The following PTK2 variants were observed in gnomAD, a reference collection of about 807,000 sequenced individuals.
PTK2 encodes focal adhesion kinase 1.
In PTK2, 45 loss-of-function variants were observed where a neutral mutation model predicts 150.1. The ratio of observed to expected loss-of-function variants is 0.30; its 90% CI spans 0.24 to 0.38. The LOEUF is 0.38. Among genes scored for constraint, PTK2 ranks in the 10% least tolerant of loss-of-function variants. PTK2 has a pLI of 1.00. For synonymous variants in PTK2, 432 were observed against 449.2 expected, an observed-to-expected ratio of 0.96 and a Z score of 0.48; for missense variants, 919 against 1,307.3, an observed-to-expected ratio of 0.70 and a Z score of 4.58.
chr8:140,757,970 T>G (rs1034107835), intron 16 of PTK2, among the ~76,000 whole-genome samples: 2 of 152,248 alleles, frequency 1.3e-5, no homozygotes, highest in African/African-American at 4.8e-5. Flanking sequence ...CAATTATGTA[T>G]AGTGATTAAT....
At chr8:140,960,251 C>G (rs1330881955) in intron 1 of PTK2, among the ~76,000 whole-genome samples, 1 of 123,314 alleles carries the variant, frequency 8.1e-6, no homozygotes, top group Non-Finnish European at 1.6e-5. Flanking sequence ...CAGGCTGGAG[C>G]GCAATGGCAC....
intron 1 of PTK2, among the ~76,000 whole-genome samples, chr8:140,960,871 T>C (rs1479471165): frequency 6.6e-6 from 1 of 151,990 alleles, no homozygotes; most frequent in Non-Finnish European, 1.5e-5. Flanking sequence ...TCCCAGCCAC[T>C]CGGGAGGCTG....
chr8:140,684,109 C>T (rs895636286), intron 27 of PTK2, among the ~76,000 whole-genome samples: 7 of 152,126 alleles, frequency 4.6e-5, no homozygotes, highest in Non-Finnish European at 7.3e-5. Context: ...ACACAGAAAA[C>T]GCCATAGTCT....
In PTK2 at chr8:140,865,715, G is replaced by A. The variant is rs139822856; in HGVS notation, c.363-1316C>T. Among the ~76,000 whole-genome samples, 948 of 152,310 alleles carry A rather than the reference G, an allele frequency of 6.2e-3. 14 individuals are homozygous for A. The highest frequency in any genetic ancestry group is 0.021 in the African/African-American group (873 of 41,558). The stretch of plus-strand genomic sequence containing the variant: ...TAGATATTCTACATTGGGTTATTAT[G>A]TAAGTATAACAGATTTCATTTATTT... On this transcript the variant is annotated intron_variant, in intron 4 of 31. Coordinates refer to ENST00000522684, the Ensembl canonical transcript of PTK2.
At chr8:140,738,950 A>G (rs1417208728) in intron 21 of PTK2, 68 bp downstream of exon 24, 3 of 1,094,776 alleles carry the variant, frequency 2.7e-6, no homozygotes, top group African/African-American at 1.7e-5. Flanking sequence ...CCAAAAAGAG[A>G]TAATTTTTTT....
At chr8:140,779,916 G>A (rs1306022116) in intron 14 of PTK2, among the ~76,000 whole-genome samples, 1 of 152,048 alleles carries the variant, frequency 6.6e-6, no homozygotes, top group Non-Finnish European at 1.5e-5. Context: ...CAGCAAACAG[G>A]TTTCCCAGTA....
chr8:140,873,670 T>C (rs1385474529), intron 4 of PTK2, among the ~76,000 whole-genome samples: 3 of 152,140 alleles, frequency 2.0e-5, no homozygotes, highest in Non-Finnish European at 2.9e-5. Context: ...TTCACCACGT[T>C]AGTCAGGCTG....
At chr8:140,823,025 A>G (rs2100109737) in intron 8 of PTK2, among the ~76,000 whole-genome samples, 1 of 152,190 alleles carries the variant, frequency 6.6e-6, no homozygotes, top group South Asian at 2.1e-4. Flanking sequence ...AATGTCTCCC[A>G]TCTACAAGTA....
chr8:140,889,947 C>A (rs558863663), intron 3 of PTK2, among the ~76,000 whole-genome samples: 1 of 152,154 alleles, frequency 6.6e-6, no homozygotes, highest in African/African-American at 2.4e-5. Context: ...CTAACTTCTA[C>A]GTTTAAAAGG....
intron 3 of PTK2, among the ~76,000 whole-genome samples, chr8:140,889,518 C>CTG (rs2100153520): frequency 6.6e-6 from 1 of 152,070 alleles, no homozygotes; most frequent in Non-Finnish European, 1.5e-5. Flanking sequence ...CATGGACCAC[C>CTG]ATGCCCGACC....
intron 23 of PTK2, among the ~76,000 whole-genome samples, chr8:140,716,255 C>T (rs923284039): frequency 3.9e-5 from 6 of 152,042 alleles, no homozygotes; most frequent in African/African-American, 7.2e-5. Context: ...GAGATTCTCC[C>T]GACTCTCAGT....
Position 140,752,231 on chromosome 8 carries a change from C to T in PTK2, c.1417+1G>A. 1 of 1,612,078 alleles carries T rather than the reference C, an allele frequency of 6.2e-7. No individual in the cohort carries two copies. Among genetic ancestry groups the T allele is most frequent in the Non-Finnish European group, 8.5e-7 (1 of 1,178,322 alleles). On this transcript the variant is annotated splice_donor_variant, in intron 17 of 31. Transcript: ENST00000522684. LOFTEE classifies it high-confidence loss of function. ...TTCCACAGAAATTTCTAGACACTTA[C>T]AGGCTTCTTGAAGAAATTTCTCTCT...
chr8:140,900,543 G>A (rs573670416), intron 2 of PTK2, among the ~76,000 whole-genome samples: 2 of 151,992 alleles, frequency 1.3e-5, no homozygotes, highest in South Asian at 2.1e-4. Flanking sequence ...CCAACATGGC[G>A]AAACCCCATC....
At chr8:140,891,492 C>T (rs1314291441) in intron 2 of PTK2, among the ~76,000 whole-genome samples, 1 of 152,066 alleles carries the variant, frequency 6.6e-6, no homozygotes, top group Non-Finnish European at 1.5e-5. Context: ...TCTGAGGCAA[C>T]CAAGACAATG....
intron 3 of PTK2, 90 bp from the exon 4 acceptor site, chr8:140,879,727 A>C (rs1398327993): frequency 9.6e-6 from 11 of 1,151,466 alleles, no homozygotes; most frequent in African/African-American, 1.6e-5. Context: ...AACAAAACAA[A>C]AAAAAAACTA....
At chr8:140,702,500 G>GT (rs1395796447) in intron 25 of PTK2, 70 bp downstream of exon 28, 1 of 1,554,612 alleles carries the variant, frequency 6.4e-7, no homozygotes, top group East Asian at 2.3e-5. Flanking sequence ...GATTACAAGT[G>GT]TAAGCCACCA....
chr8:140,908,319 T>C (rs758898389), intron 2 of PTK2, among the ~76,000 whole-genome samples: 12 of 152,156 alleles, frequency 7.9e-5, no homozygotes, highest in Non-Finnish European at 1.5e-5. Flanking sequence ...GGTTGGTTCA[T>C]AAGGTTGAAG....
intron 1 of PTK2, among the ~76,000 whole-genome samples, chr8:140,996,642 C>T (rs762928245): frequency 6.6e-6 from 1 of 152,166 alleles, no homozygotes; most frequent in Non-Finnish European, 1.5e-5. Context: ...TCTGCCTGTG[C>T]TCTACAAATG....
intron 1 of PTK2, among the ~76,000 whole-genome samples, chr8:140,969,258 AG>A (rs2100186393): frequency 6.6e-6 from 1 of 152,228 alleles, no homozygotes; most frequent in Admixed American, 6.5e-5. Flanking sequence ...AGGAGGAACC[AG>A]GAAAACCTCA....
Sources: gnomAD v4.1 joint callset for allele counts (sites outside exome capture counted in the v4.1 genomes callset) on GRCh38, gnomAD v4.1.1 for gene constraint, MANE v1.5 for transcripts, NCBI Gene and HGNC (gene_info 2026-07-23, HGNC 2026-07-21) for gene names.